RSPH14: variants seen among roughly 807,000 people sequenced by gnomAD.
The protein encoded by RSPH14 is radial spoke head 14 homolog, also known as rhabdoid tumor deletion region gene 1.
RSPH14 carries 20 observed loss-of-function variants against 26.7 expected under a neutral mutation model. The ratio of observed to expected loss-of-function variants is 0.75; its 90% confidence interval spans 0.53 to 1.09. RSPH14 has a LOEUF of 1.09. Among genes scored for constraint, RSPH14 ranks in the 50% least tolerant of loss-of-function variants. The probability of loss-of-function intolerance (pLI) is 0.00; values close to 1 mark genes in which losing one functional copy is unlikely to be tolerated. For synonymous variants in RSPH14, 177 were observed against 189.3 expected, an observed-to-expected ratio of 0.93 and a Z score of 0.53; for missense variants, 449 against 457.2, an observed-to-expected ratio of 0.98 and a Z score of 0.16.
At chr22:23,132,688 G>A (rs2070380946) in intron 4 of RSPH14, 1 of 152,200 alleles carries the variant, frequency 6.6e-6, no homozygotes, top group African/African-American at 2.4e-5. Flanking sequence ...TATACTGCTA[G>A]TGGAAGTATA....
chr22:23,083,823 G>A (rs190281520), intron 4 of RSPH14, among the ~76,000 whole-genome samples: 8 of 152,330 alleles, frequency 5.3e-5, no homozygotes, highest in East Asian at 3.9e-4. Flanking sequence ...GTTCAAGGTC[G>A]CGCGGGCCAG....
At chr22:23,094,315 G>A (rs531109426) in intron 4 of RSPH14, among the ~76,000 whole-genome samples, 2 of 152,242 alleles carry the variant, frequency 1.3e-5, no homozygotes, top group Non-Finnish European at 2.9e-5. Context: ...CCTCGTGTGG[G>A]GAGGCCTGGC....
At chr22:23,170,536 C>T in the RSPH14 span, among the ~76,000 whole-genome samples, 1 of 151,660 alleles carries the variant, frequency 6.6e-6, no homozygotes, top group African/African-American at 2.4e-5. Flanking sequence ...ACTGCCTGAG[C>T]TCAGGAGTTT....
At chr22:23,090,425 C>T (rs1395073713) in intron 4 of RSPH14, among the ~76,000 whole-genome samples, 1 of 152,186 alleles carries the variant, frequency 6.6e-6, no homozygotes, top group Non-Finnish European at 1.5e-5. Flanking sequence ...TGGATGTTTG[C>T]ATCCAGGAGC....
chr22:23,090,889 T>C (rs2068952050), intron 4 of RSPH14, among the ~76,000 whole-genome samples: 1 of 152,208 alleles, frequency 6.6e-6, no homozygotes, highest in Non-Finnish European at 1.5e-5. Context: ...TTCATCTGCC[T>C]CATTCAGCAG....
At chr22:23,080,848 A>T (rs373152074) in intron 4 of RSPH14, among the ~76,000 whole-genome samples, 42 of 152,378 alleles carry the variant, frequency 2.8e-4, no homozygotes, top group Admixed American at 2.7e-3. Flanking sequence ...TACCTCTGTC[A>T]TCAGCACTCA....
intron 4 of RSPH14, among the ~76,000 whole-genome samples, chr22:23,115,315 G>T (rs755856684): frequency 6.6e-5 from 10 of 152,204 alleles, no homozygotes; most frequent in Non-Finnish European, 1.3e-4. Context: ...GCCTGAGTAG[G>T]TGTTTGCATG....
At chr22:23,066,389 C>T (rs1315733740) in intron 4 of RSPH14, among the ~76,000 whole-genome samples, 1 of 152,130 alleles carries the variant, frequency 6.6e-6, no homozygotes, top group Non-Finnish European at 1.5e-5. Context: ...AACTGAGGCC[C>T]AGAGAGGCAA....
chr22:23,078,731 G>A (rs1444512756), intron 4 of RSPH14, among the ~76,000 whole-genome samples: 2 of 152,228 alleles, frequency 1.3e-5, no homozygotes, highest in African/African-American at 2.4e-5. Context: ...CAAGGGTGAG[G>A]GCCAGGGCTT....
intron 4 of RSPH14, among the ~76,000 whole-genome samples, chr22:23,107,446 C>A (rs1329648300): frequency 2.0e-5 from 3 of 152,134 alleles, no homozygotes. Context: ...AGTCGAGGGC[C>A]TCATGAAAAC....
chr22:23,167,100 G>T, the RSPH14 span, among the ~76,000 whole-genome samples: 1 of 151,978 alleles, frequency 6.6e-6, no homozygotes, highest in African/African-American at 2.4e-5. Context: ...TGAACTCCTG[G>T]TCCCTCCCCT....
At chr22:23,060,716 C>A (rs977599483) in intron 6 of RSPH14, among the ~76,000 whole-genome samples, 3 of 152,132 alleles carry the variant, frequency 2.0e-5, no homozygotes, top group Non-Finnish European at 4.4e-5. Context: ...AAGCCCTTCC[C>A]AGAGGCGACT....
intron 4 of RSPH14, among the ~76,000 whole-genome samples, chr22:23,110,069 C>T (rs1483959903): frequency 1.3e-5 from 2 of 152,202 alleles, no homozygotes; most frequent in African/African-American, 4.8e-5. Context: ...TGACCCTGGT[C>T]ATCCAGCTCT....
At chr22:23,093,963 A>G (rs2069055350) in intron 4 of RSPH14, among the ~76,000 whole-genome samples, 1 of 152,180 alleles carries the variant, frequency 6.6e-6, no homozygotes, top group African/African-American at 2.4e-5. Flanking sequence ...GTGAGGGGCA[A>G]GGGACAGTGA....
the RSPH14 span, among the ~76,000 whole-genome samples, chr22:23,176,796 C>A: frequency 1.3e-5 from 2 of 152,210 alleles, no homozygotes. Flanking sequence ...CCACGCCCAA[C>A]CTTCCATGCA....
chr22:23,134,753 C>G (rs1208751417), intron 3 of RSPH14, among the ~76,000 whole-genome samples: 1 of 151,952 alleles, frequency 6.6e-6, no homozygotes, highest in East Asian at 1.9e-4. Flanking sequence ...GTAATCCCAG[C>G]TACTCAGAAG....
the RSPH14 span, among the ~76,000 whole-genome samples, chr22:23,171,782 C>T: frequency 7.5e-5 from 10 of 133,654 alleles, no homozygotes; most frequent in African/African-American, 2.0e-4. Context: ...GTAGAGATTG[C>T]GGTGAGCTGA....
chr22:23,153,084 CT>C, the RSPH14 span: 1 of 1,614,108 alleles, frequency 6.2e-7, no homozygotes, highest in Non-Finnish European at 8.5e-7. Flanking sequence ...TTGGGGTGGA[CT>C]TTGAAATTGA....
the RSPH14 span, chr22:23,159,105 C>T: frequency 5.6e-6 from 9 of 1,593,770 alleles, no homozygotes; most frequent in East Asian, 1.8e-4. Flanking sequence ...TGCCTATCCC[C>T]CTGGGCCTCC....
Sources: allele counts gnomAD v4.1 joint callset (sites outside exome capture counted in the v4.1 genomes callset), GRCh38; gene constraint gnomAD v4.1.1; transcripts MANE v1.5; gene names NCBI Gene and HGNC (gene_info 2026-07-23, HGNC 2026-07-21).